SUN3: variants seen among roughly 807,000 people sequenced by gnomAD.
The protein encoded by SUN3 is Sad1 and UNC84 domain containing 3, also known as SUN domain-containing protein 3.
Under a neutral mutation model 48.2 loss-of-function variants are expected in SUN3, and 36 were observed. The observed-to-expected ratio is 0.75, with a 90% confidence interval of 0.57 to 0.99. The LOEUF (loss-of-function observed/expected upper bound fraction) is 0.99. SUN3 is among the 50% of genes least tolerant of loss of function. SUN3 has a pLI of 0.00. For synonymous variants in SUN3, 148 were observed against 147.9 expected (o/e 1.00, Z 0.00); for missense variants, 419 against 433.1 (o/e 0.97, Z 0.29).
At chr7:48,032,865 T>A (rs1003694218), upstream of SUN3, among the ~76,000 whole-genome samples, 2 of 152,206 alleles carry the variant, frequency 1.3e-5, no homozygotes, top group Non-Finnish European at 2.9e-5. Flanking sequence ...GTCCTGAAAG[T>A]TTAAATAAAC....
At chr7:47,994,183 G>A (rs1307739077) in intron 8 of SUN3, 132 bp downstream of exon 8, 1 of 764,366 alleles carries the variant, frequency 1.3e-6, no homozygotes. Flanking sequence ...CTCTTTGTAG[G>A]TGAGAAAGCA....
intron 1 of SUN3, among the ~76,000 whole-genome samples, chr7:48,027,969 A>G (rs1373779190): frequency 1.3e-5 from 2 of 152,092 alleles, no homozygotes; most frequent in Non-Finnish European, 2.9e-5. Flanking sequence ...GATTAACTCC[A>G]GTGTTTTTCG....
chr7:48,006,086 C>T, intron 5 of SUN3, 33 bp from the exon 6 acceptor site: 1 of 1,433,854 alleles, frequency 7.0e-7, no homozygotes, highest in South Asian at 1.2e-5. Flanking sequence ...TTTCTGTTAA[C>T]AATCTTTGCC....
chr7:48,033,347 G>A (rs966320773), upstream of SUN3, among the ~76,000 whole-genome samples: 5 of 152,042 alleles, frequency 3.3e-5, no homozygotes, highest in African/African-American at 1.2e-4. Context: ...CATTCCTTGA[G>A]GCCAGGAGTT....
rs971315734 is a variant in SUN3, at chr7:48,025,525, C to T, written c.184+352G>A. Among the ~76,000 whole-genome samples the T allele has an allele frequency of 1.4e-4, 22 of 152,118 alleles. 1 individual carries two copies. Among genetic ancestry groups the T allele is most frequent in the Admixed American group, 1.4e-3 (22 of 15,266 alleles). On this transcript the variant is annotated intron_variant, in intron 2 of 9. Transcript: ENST00000297325. ...GTGATGAGCAAGAGTCTCTGGTTGT[C>T]AAAACCTCCCAAGTGGAGTCACCTA... is the stretch of plus-strand genomic sequence containing the variant.
At chr7:48,030,093 C>T (rs901866244), upstream of SUN3, among the ~76,000 whole-genome samples, 2 of 152,184 alleles carry the variant, frequency 1.3e-5, no homozygotes, top group East Asian at 3.8e-4. Context: ...CTGCCACTGC[C>T]TCAATTTTCT....
chr7:48,015,381 G>C (rs1175785510), intron 3 of SUN3, among the ~76,000 whole-genome samples: 1 of 152,170 alleles, frequency 6.6e-6, no homozygotes, highest in Non-Finnish European at 1.5e-5. Flanking sequence ...TCTGAGATGG[G>C]AGTTATCCTG....
intron 8 of SUN3, among the ~76,000 whole-genome samples, chr7:47,993,050 A>G (rs1394889785): frequency 1.3e-5 from 2 of 151,982 alleles, no homozygotes; most frequent in African/African-American, 4.8e-5. Flanking sequence ...TTGTTCTCCA[A>G]CCTGGGCAAC....
At chr7:48,008,885 A>G (rs1789605366) in intron 4 of SUN3, 150 bp downstream of exon 4, 1 of 663,086 alleles carries the variant, frequency 1.5e-6, no homozygotes, top group Admixed American at 2.8e-5. Flanking sequence ...TAGGAATGAT[A>G]TCATTAAATA....
At chr7:48,034,687 T>C in the SUN3 span, among the ~76,000 whole-genome samples, 1 of 152,192 alleles carries the variant, frequency 6.6e-6, no homozygotes, top group Non-Finnish European at 1.5e-5. Flanking sequence ...ACCAAGCATA[T>C]GCCAGATAGA....
chr7:48,009,051 G>T lies in SUN3; in HGVS notation c.313C>A (p.Gln105Lys). ...CGCACTCACTTTAAAAGTTCCAGTT[G>T]CTCTTTAGGCATACGAAGTCTGGCC... is the stretch of plus-strand genomic sequence containing the variant. ...YQARLRMPKE[Q>K]LELLKKESQN... Residue 105 changes from glutamine to lysine, a missense_variant, in exon 4 of 10, where the codon CAA becomes AAA. By Grantham distance (53) the Gln-to-Lys change is moderately conservative (BLOSUM62 1). Transcript: ENST00000297325. 1 of 1,612,106 alleles carries T rather than the reference G, an allele frequency of 6.2e-7. No individual in the cohort carries two copies. Among genetic ancestry groups the T allele is most frequent in the Admixed American group, 1.7e-5 (1 of 59,760 alleles).
chr7:48,025,994 CT>C (rs1487294445), intron 1 of SUN3, 56 bp from the exon 2 acceptor site: 12 of 1,282,258 alleles, frequency 9.4e-6, no homozygotes, highest in African/African-American at 1.5e-5. Flanking sequence ...ATGCATTTAA[CT>C]TGGACTTTAG....
At chr7:48,024,738 T>C (rs1223010876) in intron 2 of SUN3, among the ~76,000 whole-genome samples, 1 of 152,096 alleles carries the variant, frequency 6.6e-6, no homozygotes. Context: ...AGAGATCACA[T>C]GGTGAGAGAG....
intron 2 of SUN3, among the ~76,000 whole-genome samples, chr7:48,024,369 A>T (rs569141327): frequency 6.6e-6 from 1 of 152,212 alleles, no homozygotes; most frequent in East Asian, 1.9e-4. Flanking sequence ...TTTAATGGAC[A>T]TGTCTCCAAG....
chr7:48,032,025 G>A (rs1028220357), upstream of SUN3, among the ~76,000 whole-genome samples: 2 of 152,236 alleles, frequency 1.3e-5, no homozygotes, highest in Non-Finnish European at 2.9e-5. Context: ...AATACTGTAT[G>A]ATCTAATTTA....
chr7:48,010,336 C>T (rs945597338), intron 3 of SUN3, among the ~76,000 whole-genome samples: 1 of 152,032 alleles, frequency 6.6e-6, no homozygotes, highest in Non-Finnish European at 1.5e-5. Context: ...AAGGGGAGGA[C>T]AAGTGTGAAA....
chr7:48,002,490 C>G (rs1336959242), intron 6 of SUN3, among the ~76,000 whole-genome samples: 1 of 150,954 alleles, frequency 6.6e-6, no homozygotes, highest in Non-Finnish European at 1.5e-5. Flanking sequence ...TCAGTGACGT[C>G]GAGATTTTTT....
Position 48,028,908 on chromosome 7 carries a change from C to T in SUN3, c.31G>A (p.Ala11Thr), listed in dbSNP as rs149523579. 1.2e-5 allele frequency: 19 copies of T among 1,613,826 alleles called. No individual in the cohort carries two copies. In the African/African-American group the frequency reaches 1.9e-4, roughly 16 times the overall value. MSGKTKARRA[A>T]MFFRRCSEDA... is the part of the protein sequence containing the mutation. ...TCAGAGCAACGTCTAAAAAACATGG[C>T]AGCCCTTCTTGCCTTTGTTTTTCCA... The change falls in exon 1 of 10, where the codon GCC becomes ACC. Residue 11 changes from alanine to threonine, a missense_variant. Coordinates refer to ENST00000297325, the MANE Select transcript of SUN3 (RefSeq NM_001030019.2).
At chr7:48,035,159 C>T in the SUN3 span, among the ~76,000 whole-genome samples, 1 of 152,106 alleles carries the variant, frequency 6.6e-6, no homozygotes, top group Non-Finnish European at 1.5e-5. The surrounding 1 kb of genome is among the most constrained non-coding windows in gnomAD (Gnocchi z 4.0). Flanking sequence ...ATGCATGTCC[C>T]CAATTTTTCT....
Sources: gnomAD v4.1 joint callset for allele counts (sites outside exome capture counted in the v4.1 genomes callset) on GRCh38, gnomAD v4.1.1 for gene constraint, Gnocchi (gnomAD v3.1) non-coding constraint, MANE v1.5 for transcripts, NCBI Gene and HGNC (gene_info 2026-07-23, HGNC 2026-07-21) for gene names.